CNTNAP2: variants seen among roughly 807,000 people sequenced by gnomAD.
The protein encoded by CNTNAP2 is contactin associated protein 2.
A neutral mutation model predicts 155.2 loss-of-function variants in CNTNAP2; 98 were observed. The observed-to-expected ratio is 0.63, with a 90% CI of 0.54 to 0.75. The LOEUF (loss-of-function observed/expected upper bound fraction) is 0.75, where lower values mean the gene tolerates loss of function less well. CNTNAP2 is among the 30% of genes least tolerant of loss of function. CNTNAP2 has a pLI of 0.00. For synonymous variants in CNTNAP2, 651 were observed against 631.2 expected, an observed-to-expected ratio of 1.03 and a Z score of -0.47; for missense variants, 1,727 against 1,688.1, an observed-to-expected ratio of 1.02 and a Z score of -0.40.
chr7:146,932,371 T>A (rs1189917375), intron 3 of CNTNAP2, among the ~76,000 whole-genome samples: 23 of 151,828 alleles, frequency 1.5e-4, no homozygotes, highest in African/African-American at 5.1e-4. Context: ...AAAAGGCCTT[T>A]GACAAAATTC....
At chr7:148,038,869 TGGA>T (rs1802619625) in intron 15 of CNTNAP2, among the ~76,000 whole-genome samples, 1 of 146,770 alleles carries the variant, frequency 6.8e-6, no homozygotes, top group East Asian at 1.9e-4. Flanking sequence ...GATGGATGGA[TGGA>T]TAGATAGATA....
chr7:147,116,628 C>A (rs1290237375), intron 5 of CNTNAP2, among the ~76,000 whole-genome samples: 2 of 152,144 alleles, frequency 1.3e-5, no homozygotes, highest in Non-Finnish European at 2.9e-5. Flanking sequence ...CTGCCTCTGC[C>A]CCCATCAGCT....
At chr7:147,496,998 T>A (rs1798721756) in intron 11 of CNTNAP2, 1 of 152,152 alleles carries the variant, frequency 6.6e-6, no homozygotes, top group Admixed American at 6.5e-5. Context: ...GATGAATATG[T>A]CTAACACCAT....
At chr7:146,674,342 T>G (rs1269285845) in intron 1 of CNTNAP2, among the ~76,000 whole-genome samples, 1 of 152,148 alleles carries the variant, frequency 6.6e-6, no homozygotes, top group Non-Finnish European at 1.5e-5. Context: ...TTCTTAGTAA[T>G]ATTTTGAAGT....
At chr7:147,786,807 T>C (rs1797746954) in intron 13 of CNTNAP2, among the ~76,000 whole-genome samples, 1 of 151,972 alleles carries the variant, frequency 6.6e-6, no homozygotes, top group African/African-American at 2.4e-5. Flanking sequence ...CATCTATACA[T>C]AAAATTTAAA....
intron 2 of CNTNAP2, among the ~76,000 whole-genome samples, chr7:146,788,954 C>T (rs777901182): frequency 6.6e-6 from 1 of 152,056 alleles, no homozygotes; most frequent in East Asian, 1.9e-4. Context: ...AAGACATGTC[C>T]TGTGTATCAA....
At chr7:148,247,814 T>C (rs112824367) in intron 20 of CNTNAP2, among the ~76,000 whole-genome samples, 15 of 151,278 alleles carry the variant, frequency 9.9e-5, no homozygotes, top group African/African-American at 3.4e-4. Flanking sequence ...CCACCACGCC[T>C]GGCTAATTTT....
chr7:148,227,008 G>A (rs1469355818), intron 19 of CNTNAP2, among the ~76,000 whole-genome samples: 4 of 152,186 alleles, frequency 2.6e-5, no homozygotes, highest in Non-Finnish European at 4.4e-5. Context: ...GTTTGCTGCA[G>A]ACCCTTTGGG....
chr7:147,099,641 G>A (rs1035157255), intron 4 of CNTNAP2, among the ~76,000 whole-genome samples: 4 of 152,094 alleles, frequency 2.6e-5, no homozygotes, highest in African/African-American at 9.7e-5. Flanking sequence ...ACAGAACACT[G>A]ACAATGATAT....
chr7:146,357,623 G>C (rs2129100121), intron 1 of CNTNAP2, among the ~76,000 whole-genome samples: 1 of 152,268 alleles, frequency 6.6e-6, no homozygotes, highest in African/African-American at 2.4e-5. Flanking sequence ...TTATGGTAGA[G>C]TTGTAGGAAA....
intron 1 of CNTNAP2, among the ~76,000 whole-genome samples, chr7:146,124,141 T>C (rs2116723602): frequency 6.6e-6 from 1 of 152,202 alleles, no homozygotes; most frequent in East Asian, 1.9e-4. Flanking sequence ...GAGAAATACC[T>C]AATGTAGATA....
intron 8 of CNTNAP2, among the ~76,000 whole-genome samples, chr7:147,258,799 G>A (rs1011014023): frequency 7.9e-5 from 12 of 152,102 alleles, no homozygotes; most frequent in African/African-American, 2.9e-4. Context: ...TAGTGCTCTA[G>A]ACTAACCCAT....
At chr7:146,737,279 G>A (rs1346809717) in intron 1 of CNTNAP2, among the ~76,000 whole-genome samples, 1 of 151,898 alleles carries the variant, frequency 6.6e-6, no homozygotes, top group South Asian at 2.1e-4. Context: ...TATCTTTTTT[G>A]TAGTGAGAAA....
intron 3 of CNTNAP2, among the ~76,000 whole-genome samples, chr7:146,974,521 G>T (rs1001683001): frequency 4.6e-5 from 7 of 152,158 alleles, no homozygotes; most frequent in Admixed American, 3.9e-4. Context: ...TTTAGAGTTA[G>T]ATTTTCTGTT....
intron 1 of CNTNAP2, among the ~76,000 whole-genome samples, chr7:146,330,023 T>C (rs1801157614): frequency 7.3e-6 from 1 of 136,640 alleles, no homozygotes; most frequent in African/African-American, 2.9e-5. Context: ...TTTTTTTTTT[T>C]TTTTTTTTTT....
intron 15 of CNTNAP2, among the ~76,000 whole-genome samples, chr7:148,084,724 T>C (rs1357039329): frequency 6.6e-6 from 1 of 152,198 alleles, no homozygotes; most frequent in Admixed American, 6.6e-5. Context: ...TTTGGGTCTC[T>C]TGTCCAGAGA....
chr7:147,121,970 G>A (rs1190923718), intron 6 of CNTNAP2: 1 of 152,134 alleles, frequency 6.6e-6, no homozygotes, highest in Non-Finnish European at 1.5e-5. Context: ...AGGGTCAGGA[G>A]TTCAAGACCA....
At chr7:147,233,664 CACACAT>C (rs1451996865) in intron 8 of CNTNAP2, among the ~76,000 whole-genome samples, 2 of 151,136 alleles carry the variant, frequency 1.3e-5, no homozygotes, top group African/African-American at 4.9e-5. Flanking sequence ...ATATTATACA[CACACAT>C]ACACATACAC....
intron 21 of CNTNAP2, among the ~76,000 whole-genome samples, chr7:148,314,043 G>A (rs1236434512): frequency 6.6e-6 from 1 of 152,156 alleles, no homozygotes. Context: ...CGGACTGGGT[G>A]TGAGGAGGGG....
Sources: allele counts gnomAD v4.1 joint callset (sites outside exome capture counted in the v4.1 genomes callset), GRCh38; gene constraint gnomAD v4.1.1; transcripts MANE v1.5; gene names NCBI Gene and HGNC (gene_info 2026-07-23, HGNC 2026-07-21).